The following ALCAM variants were observed in gnomAD, a reference collection of about 807,000 sequenced individuals.
ALCAM encodes the protein CD166 antigen.
ALCAM carries 30 observed loss-of-function variants against 70.9 expected under a neutral mutation model. The ratio of observed to expected loss-of-function variants is 0.42; its 90% CI spans 0.32 to 0.57. The LOEUF (loss-of-function observed/expected upper bound fraction) is 0.57. Ranked by LOEUF, ALCAM falls within the 20% of genes least tolerant of loss-of-function variation. The pLI is 0.11. For synonymous variants in ALCAM, 249 were observed against 242.5 expected, an observed-to-expected ratio of 1.03 and a Z score of -0.25; for missense variants, 591 against 695.1, an observed-to-expected ratio of 0.85 and a Z score of 1.68.
intron 1 of ALCAM, among the ~76,000 whole-genome samples, chr3:105,498,499 A>ATGTG (rs5851461): frequency 0.41 from 61,874 of 150,164 alleles, 13,282 homozygotes; most frequent in African/African-American, 0.52. Context: ...AGCCTGCCAA[A>ATGTG]TGTGTGTGTG....
At chr3:105,464,518 T>C (rs1401118949) in intron 1 of ALCAM, among the ~76,000 whole-genome samples, 1 of 151,334 alleles carries the variant, frequency 6.6e-6, no homozygotes, top group East Asian at 1.9e-4. Context: ...ATTATAAGCA[T>C]ATTAGGACAA....
chr3:105,383,129 C>G (rs1294355416), intron 1 of ALCAM, among the ~76,000 whole-genome samples: 8 of 151,714 alleles, frequency 5.3e-5, no homozygotes, highest in African/African-American at 1.7e-4. Context: ...ACGTGTATCC[C>G]TATCCTTCAG....
At chr3:105,454,852 G>A (rs1419732822) in intron 1 of ALCAM, among the ~76,000 whole-genome samples, 2 of 151,190 alleles carry the variant, frequency 1.3e-5, no homozygotes, top group African/African-American at 4.9e-5. Context: ...GTGTGTGTGT[G>A]TATTTTTAGT....
At chr3:105,515,476 G>C (rs1027224426) in intron 1 of ALCAM, among the ~76,000 whole-genome samples, 1 of 152,000 alleles carries the variant, frequency 6.6e-6, no homozygotes, top group Non-Finnish European at 1.5e-5. Flanking sequence ...TGGAAACCCA[G>C]TTTAATCACA....
chr3:105,368,477 GT>G (rs141328839), intron 1 of ALCAM, among the ~76,000 whole-genome samples: 10 of 148,854 alleles, frequency 6.7e-5, no homozygotes, highest in South Asian at 2.1e-4. Context: ...TTTCTTTGAA[GT>G]TTTTTTTTTC....
intron 1 of ALCAM, among the ~76,000 whole-genome samples, chr3:105,431,551 A>G (rs1194542996): frequency 6.6e-6 from 1 of 152,114 alleles, no homozygotes; most frequent in Non-Finnish European, 1.5e-5. Context: ...AGGACAGCAT[A>G]AGGTGAGCCC....
At chr3:105,489,529 A>G (rs1367193720) in intron 1 of ALCAM, among the ~76,000 whole-genome samples, 1 of 152,232 alleles carries the variant, frequency 6.6e-6, no homozygotes, top group Non-Finnish European at 1.5e-5. Flanking sequence ...CAAAAATAGG[A>G]TAGATTATAT....
At chr3:105,434,893 A>T (rs1662631680) in intron 1 of ALCAM, among the ~76,000 whole-genome samples, 1 of 152,136 alleles carries the variant, frequency 6.6e-6, no homozygotes, top group Admixed American at 6.5e-5. Flanking sequence ...CAGTTTCTTC[A>T]TGTGAAACGC....
chr3:105,464,925 A>G (rs1022666613), intron 1 of ALCAM, among the ~76,000 whole-genome samples: 9 of 151,526 alleles, frequency 5.9e-5, no homozygotes, highest in Non-Finnish European at 1.0e-4. Flanking sequence ...TCGTCACCCA[A>G]TCTCTTTCCA....
At chr3:105,475,330 C>T (rs746457274) in intron 1 of ALCAM, among the ~76,000 whole-genome samples, 29 of 151,844 alleles carry the variant, frequency 1.9e-4, no homozygotes, top group Non-Finnish European at 3.4e-4. Flanking sequence ...TATATGCTAG[C>T]AAAATTTAAA....
chr3:105,550,433 G>C (rs1222843515), intron 12 of ALCAM, among the ~76,000 whole-genome samples, 174 bp downstream of exon 12: 1 of 150,826 alleles, frequency 6.6e-6, no homozygotes, highest in African/African-American at 2.4e-5. Context: ...GTCCATTCTT[G>C]TACTATCCTT....
Position 105,455,258 on chromosome 3 carries a change from G to A in ALCAM, c.74-64809G>A, listed in dbSNP as rs1022022743. 1.8e-4 allele frequency among the ~76,000 whole-genome samples: 28 copies of A among 151,568 alleles called. No homozygotes were observed. The East Asian group carries it at 2.0e-3, about 11-fold the overall frequency. On this transcript the variant is annotated intron_variant, in intron 1 of 15. Transcript: ENST00000306107. ...AGATCCAGACCATCCTGGCTAACAC[G>A]GTGAAACCCCGTCTCTACTAAAAAT...
intron 1 of ALCAM, among the ~76,000 whole-genome samples, chr3:105,443,040 A>G (rs1576166086): frequency 6.6e-6 from 1 of 152,188 alleles, no homozygotes; most frequent in East Asian, 1.9e-4. Flanking sequence ...TGTCCAGGCT[A>G]GTCTCAAACT....
chr3:105,422,917 C>T (rs759639091), intron 1 of ALCAM, among the ~76,000 whole-genome samples: 2 of 151,438 alleles, frequency 1.3e-5, no homozygotes, highest in Non-Finnish European at 3.0e-5. Context: ...TCATAACTAT[C>T]AGTTGTACTA....
chr3:105,401,035 A>G (rs1368948148), intron 1 of ALCAM, among the ~76,000 whole-genome samples: 1 of 152,242 alleles, frequency 6.6e-6, no homozygotes, highest in Non-Finnish European at 1.5e-5. Context: ...ACTGTATTAT[A>G]AAGGAAAAGC....
intron 1 of ALCAM, among the ~76,000 whole-genome samples, chr3:105,381,485 A>G (rs1488833347): frequency 1.3e-5 from 2 of 151,986 alleles, no homozygotes; most frequent in Non-Finnish European, 2.9e-5. Context: ...GACTTTATCC[A>G]TTAATTGTTA....
intron 6 of ALCAM, among the ~76,000 whole-genome samples, chr3:105,536,345 C>T (rs1194245462): frequency 2.6e-5 from 4 of 152,122 alleles, no homozygotes; most frequent in Admixed American, 6.5e-5. Flanking sequence ...CTGCCCACCT[C>T]AGCCTCCCAA....
In ALCAM at chr3:105,367,154, C is replaced by G. The variant is rs1935079044; in HGVS notation, c.-255C>G. On this transcript the variant is annotated 5_prime_UTR_variant, in exon 1 of 16. Coordinates refer to ENST00000306107, the MANE Select transcript of ALCAM (RefSeq NM_001627.4). The stretch of plus-strand genomic sequence containing the variant: ...CTCCTGGAAACAGAGGGTCGTTGTC[C>G]CCGGAGGAGCAGCCGAAGGGCCCGT... 3.8e-6 allele frequency: 2 copies of G among 523,006 alleles called. No homozygotes were observed. The highest frequency in any genetic ancestry group is 3.2e-5 in the Admixed American group (1 of 30,802). The allele number at this position is 523,006 out of a possible 1,614,324, so 32.4% of individuals were successfully genotyped here. A position where few individuals can be genotyped will look rare whatever the true frequency, so the allele number is the denominator to read the frequency against.
At chr3:105,488,071 T>A (rs1938479823) in intron 1 of ALCAM, among the ~76,000 whole-genome samples, 1 of 152,164 alleles carries the variant, frequency 6.6e-6, no homozygotes, top group Non-Finnish European at 1.5e-5. Flanking sequence ...TTTTTACTTT[T>A]GTTAGGTCCT....
Sources: allele counts gnomAD v4.1 joint callset (sites outside exome capture counted in the v4.1 genomes callset), GRCh38; gene constraint gnomAD v4.1.1; transcripts MANE v1.5; gene names NCBI Gene and HGNC (gene_info 2026-07-23, HGNC 2026-07-21).